Variants in TMEM178B observed in about 807,000 individuals in gnomAD.
The protein encoded by TMEM178B is transmembrane protein 178B.
TMEM178B carries 5 observed loss-of-function variants against 31.0 expected under a neutral mutation model. The ratio of observed to expected loss-of-function variants is 0.16; its 90% confidence interval spans 0.08 to 0.34. The LOEUF (loss-of-function observed/expected upper bound fraction) is 0.34. Ranked by LOEUF, TMEM178B falls within the 10% of genes least tolerant of loss-of-function variation. The pLI, the probability that TMEM178B is intolerant of heterozygous loss-of-function variation, is 1.00. For missense variants in TMEM178B, 275 were observed against 400.3 expected (o/e 0.69, Z 2.67); for synonymous variants, 164 against 164.0 (o/e 1.00, Z 0.00).
rs373867794 is a variant in TMEM178B, at chr7:141,300,085, C to A, written c.496+87381C>A. ...AGGTGTGAGCCACCATACCTGGCCC[C>A]GCTTGTTTGTATTTTAATTCAATGT... On this transcript the variant is annotated intron_variant, in intron 2 of 3. Transcript: ENST00000565468. Among the ~76,000 whole-genome samples the A allele has an allele frequency of 6.2e-4, 95 of 152,258 alleles. No homozygotes were observed. The South Asian group carries it at 0.019, about 31-fold the overall frequency.
chr7:141,433,504 G>A (rs950064135), intron 2 of TMEM178B, among the ~76,000 whole-genome samples: 1 of 152,130 alleles, frequency 6.6e-6, no homozygotes, highest in Admixed American at 6.5e-5. Flanking sequence ...CCCCATCCTT[G>A]AAGACTTCCG....
chr7:141,116,036 T>C (rs1795312780), intron 1 of TMEM178B, among the ~76,000 whole-genome samples: 1 of 152,248 alleles, frequency 6.6e-6, no homozygotes, highest in South Asian at 2.1e-4. Context: ...GAAATTGCTC[T>C]TGGCAAATGA....
chr7:141,224,069 C>T (rs188937499), intron 2 of TMEM178B, among the ~76,000 whole-genome samples: 6 of 152,270 alleles, frequency 3.9e-5, no homozygotes, highest in African/African-American at 7.2e-5. Flanking sequence ...ATAAGTCTCA[C>T]GAGATCTGAT....
At chr7:141,334,023 C>T (rs1799341070) in intron 2 of TMEM178B, among the ~76,000 whole-genome samples, 1 of 152,136 alleles carries the variant, frequency 6.6e-6, no homozygotes. Context: ...TCTAAGGGCC[C>T]AGGAAGAGGA....
At chr7:141,268,507 C>T (rs1342803911) in intron 2 of TMEM178B, among the ~76,000 whole-genome samples, 1 of 152,246 alleles carries the variant, frequency 6.6e-6, no homozygotes. Flanking sequence ...TGATTAACCA[C>T]AGAAACAGTA....
chr7:141,178,956 G>A (rs1168207092), intron 1 of TMEM178B, among the ~76,000 whole-genome samples: 3 of 152,196 alleles, frequency 2.0e-5, no homozygotes, highest in South Asian at 2.1e-4. Context: ...CTGTGAATGG[G>A]TGTTGGGCTT....
chr7:141,282,165 C>A (rs1339003772), intron 2 of TMEM178B, among the ~76,000 whole-genome samples: 3 of 152,106 alleles, frequency 2.0e-5, no homozygotes, highest in Admixed American at 2.0e-4. Context: ...GCACTCTAGA[C>A]CTAGATGGAG....
intron 2 of TMEM178B, among the ~76,000 whole-genome samples, chr7:141,213,881 C>G (rs1797087626): frequency 6.6e-6 from 1 of 152,174 alleles, no homozygotes; most frequent in Non-Finnish European, 1.5e-5. Flanking sequence ...AATGATAGAG[C>G]AGGTGCCAAT....
intron 3 of TMEM178B, among the ~76,000 whole-genome samples, chr7:141,456,427 A>G (rs1251216474): frequency 6.6e-6 from 1 of 152,182 alleles, no homozygotes; most frequent in Non-Finnish European, 1.5e-5. Context: ...TAGCTCCCCT[A>G]CCAGGAAGCT....
intron 2 of TMEM178B, among the ~76,000 whole-genome samples, chr7:141,383,101 A>C (rs890615440): frequency 6.6e-6 from 1 of 152,126 alleles, no homozygotes; most frequent in East Asian, 1.9e-4. Flanking sequence ...ATAGTGCGTG[A>C]GTTCACACTG....
intron 2 of TMEM178B, chr7:141,352,014 C>T (rs1298134233): frequency 1.3e-5 from 2 of 152,546 alleles, no homozygotes; most frequent in Non-Finnish European, 2.9e-5. Context: ...TACCCCAAGT[C>T]CCCATGCCCT....
intron 1 of TMEM178B, among the ~76,000 whole-genome samples, chr7:141,163,536 G>A (rs1178161005): frequency 1.2e-4 from 17 of 147,584 alleles, no homozygotes; most frequent in African/African-American, 3.3e-4. Flanking sequence ...TTTTTGAGAC[G>A]GTGTCTTGTT....
chr7:141,374,399 C>A (rs1253148783), intron 2 of TMEM178B, among the ~76,000 whole-genome samples: 1 of 152,128 alleles, frequency 6.6e-6, no homozygotes, highest in Non-Finnish European at 1.5e-5. Context: ...CACACAGATA[C>A]GCAGCATAGA....
At chr7:141,233,432 C>T (rs1338915647) in intron 2 of TMEM178B, among the ~76,000 whole-genome samples, 1 of 152,190 alleles carries the variant, frequency 6.6e-6, no homozygotes, top group African/African-American at 2.4e-5. Flanking sequence ...AATAAATTTT[C>T]TCCATTTTTC....
At chr7:141,273,971 T>C (rs914798101) in intron 2 of TMEM178B, among the ~76,000 whole-genome samples, 2 of 152,238 alleles carry the variant, frequency 1.3e-5, no homozygotes, top group Non-Finnish European at 2.9e-5. Flanking sequence ...CACTTGGTGG[T>C]GGTTTCTTCG....
intron 2 of TMEM178B, among the ~76,000 whole-genome samples, chr7:141,434,770 C>G (rs10254539): frequency 0.35 from 52,469 of 152,026 alleles, 9,330 homozygotes; most frequent in South Asian, 0.48. Flanking sequence ...CTTTCTTCAT[C>G]CACACCCGTC....
Position 141,074,819 on chromosome 7 carries a change from G to A in TMEM178B, c.382+127G>A. 1 of 1,325,008 alleles carries A rather than the reference G, an allele frequency of 7.5e-7. No individual in the cohort carries two copies. The highest frequency in any genetic ancestry group is 1.0e-6 in the Non-Finnish European group (1 of 1,001,822). 82.1% of individuals were successfully genotyped at this position (1,325,008 alleles called of 1,614,324 possible). On this transcript the variant is annotated intron_variant, in intron 1 of 3. Coordinates refer to ENST00000565468, the MANE Select transcript of TMEM178B (RefSeq NM_001195278.2). The surrounding 1 kb of genome is among the most constrained non-coding windows in gnomAD (Gnocchi z 5.1). ...GGGTTCCAGGCGGTCCGGTTATCCA[G>A]GCCTGGCTGAGCCTCGGGGCCAGGA...
intron 1 of TMEM178B, among the ~76,000 whole-genome samples, chr7:141,194,548 C>T (rs1029188696): frequency 2.0e-5 from 3 of 152,296 alleles, no homozygotes. Flanking sequence ...AAGCTCCGCC[C>T]CTGTGGCTTT....
chr7:141,286,474 A>C (rs1284489484), intron 2 of TMEM178B, among the ~76,000 whole-genome samples: 2 of 152,220 alleles, frequency 1.3e-5, no homozygotes, highest in African/African-American at 4.8e-5. Flanking sequence ...ATGGTATGGT[A>C]ACTTAAAGAG....
Sources: allele counts gnomAD v4.1 joint callset (sites outside exome capture counted in the v4.1 genomes callset), GRCh38; gene constraint gnomAD v4.1.1; non-coding constraint Gnocchi (gnomAD v3.1); transcripts MANE v1.5; gene names NCBI Gene and HGNC (gene_info 2026-07-23, HGNC 2026-07-21).